HIVEP3: variants seen among roughly 807,000 people sequenced by gnomAD.
HIVEP3 encodes the protein HIVEP zinc finger 3, also known as transcription factor HIVEP3.
HIVEP3 carries 49 observed loss-of-function variants against 152.8 expected under a neutral mutation model. That is an observed-to-expected ratio of 0.32 (90% CI 0.26 to 0.41). The LOEUF is 0.41. HIVEP3 is among the 10% of genes least tolerant of loss of function. The probability of loss-of-function intolerance (pLI) is 1.00; values close to 1 mark genes in which losing one functional copy is unlikely to be tolerated. For synonymous variants in HIVEP3, 1,269 were observed against 1,289.0 expected (o/e 0.98, Z 0.33); for missense variants, 2,790 against 3,103.3 (o/e 0.90, Z 2.40).
In HIVEP3 at chr1:41,873,707, A is replaced by G. The variant is rs1353384028; in HGVS notation, c.-801+44706T>C. 2.0e-5 allele frequency among the ~76,000 whole-genome samples: 3 copies of G among 152,190 alleles called. No homozygotes were observed. In the South Asian group the frequency reaches 6.2e-4, roughly 32 times the overall value. ...TCTTCCAGAATACCTCACTACCTTC[A>G]GAAAGGAAGAAGGAGGGAAAAAAGG... On this transcript the variant is annotated intron_variant, in intron 1 of 8. Transcript: ENST00000372583. The surrounding 1 kb of genome is among the most constrained non-coding windows in gnomAD (Gnocchi z 4.2).
intron 3 of HIVEP3, among the ~76,000 whole-genome samples, chr1:41,618,402 G>T (rs974397260): frequency 7.2e-5 from 11 of 152,346 alleles, no homozygotes; most frequent in Middle Eastern, 3.4e-3. Context: ...TGCAAAATGT[G>T]CTCGGGCCCT....
At chr1:41,558,973 C>T (rs1180044860) in intron 5 of HIVEP3, among the ~76,000 whole-genome samples, 3 of 152,110 alleles carry the variant, frequency 2.0e-5, no homozygotes, top group Non-Finnish European at 4.4e-5. Flanking sequence ...CACTCCAAGA[C>T]TGCTCTGTCT....
chr1:41,530,357 G>T (rs55836963), intron 5 of HIVEP3, among the ~76,000 whole-genome samples: 1 of 152,166 alleles, frequency 6.6e-6, no homozygotes, highest in Non-Finnish European at 1.5e-5. Flanking sequence ...CATCTGCCTC[G>T]ATGTGACAGC....
intron 5 of HIVEP3, among the ~76,000 whole-genome samples, chr1:41,525,140 C>T (rs1642863857): frequency 6.6e-6 from 1 of 152,174 alleles, no homozygotes; most frequent in African/African-American, 2.4e-5. Context: ...TATTCTTCCT[C>T]CTCCAGAGCA....
At chr1:41,621,448 C>G (rs1292797222) in intron 3 of HIVEP3, among the ~76,000 whole-genome samples, 1 of 152,244 alleles carries the variant, frequency 6.6e-6, no homozygotes, top group African/African-American at 2.4e-5. Context: ...GGCCTGCAGC[C>G]GTGGCCAGAC....
At chr1:41,655,582 CAAAAAAAAAAAAA>C (rs55918119) in intron 2 of HIVEP3, among the ~76,000 whole-genome samples, 2 of 57,434 alleles carry the variant, frequency 3.5e-5, no homozygotes, top group African/African-American at 1.4e-4. Flanking sequence ...CACTCCATCT[CAAAAAAAAAAAAA>C]AAAAAAAAAA....
At chr1:41,986,288 T>G (rs1262251108) in intron 1 of HIVEP3, among the ~76,000 whole-genome samples, 1 of 152,216 alleles carries the variant, frequency 6.6e-6, no homozygotes, top group Non-Finnish European at 1.5e-5. Flanking sequence ...AGGTTTTTCT[T>G]GCACAAGATG....
chr1:41,755,655 G>A (rs893294051), intron 1 of HIVEP3, among the ~76,000 whole-genome samples: 2 of 150,758 alleles, frequency 1.3e-5, no homozygotes, highest in African/African-American at 4.9e-5. Context: ...ATTAGAAAAT[G>A]GGCTAAAGAC....
intron 1 of HIVEP3, among the ~76,000 whole-genome samples, chr1:42,015,920 C>A (rs908793248): frequency 3.3e-5 from 5 of 152,214 alleles, no homozygotes; most frequent in Admixed American, 3.3e-4. Context: ...ATGCTTTGTG[C>A]CTTTTGAACC....
intron 5 of HIVEP3, among the ~76,000 whole-genome samples, chr1:41,555,454 GGTGAGGC>G (rs1360565051): frequency 6.6e-6 from 1 of 152,134 alleles, no homozygotes; most frequent in Non-Finnish European, 1.5e-5. Context: ...GCACTTCCCG[GGTGAGGC>G]GATGCCCTGC....
At chr1:41,901,296 T>A (rs764092167) in intron 1 of HIVEP3, among the ~76,000 whole-genome samples, 2 of 152,018 alleles carry the variant, frequency 1.3e-5, no homozygotes, top group Non-Finnish European at 2.9e-5. Flanking sequence ...GAGTTATGCG[T>A]GTGTTGAGTC....
In HIVEP3 at chr1:41,598,147, G is replaced by A. The variant is rs143210354; in HGVS notation, c.-521-12829C>T. Reference sequence around the variant, plus strand: ...GAACAAAGCCTGAAATGAGAGTTGCGCAGGCCCAGCAGGCTTGTCTTCTGG... The same window carrying A: ...GAACAAAGCCTGAAATGAGAGTTGCACAGGCCCAGCAGGCTTGTCTTCTGG... On this transcript the variant is annotated intron_variant, in intron 3 of 8. Transcript: ENST00000372583. 1.4e-3 allele frequency among the ~76,000 whole-genome samples: 207 copies of A among 152,270 alleles called. 1 individual carries two copies. Among genetic ancestry groups the A allele is most frequent in the African/African-American group, 4.8e-3 (201 of 41,552 alleles).
intron 2 of HIVEP3, among the ~76,000 whole-genome samples, chr1:41,644,641 A>G (rs1339441058): frequency 6.6e-6 from 1 of 150,878 alleles, no homozygotes; most frequent in African/African-American, 2.4e-5. Context: ...ATTTGGTGGC[A>G]ATCTTCATGC....
At chr1:41,917,863 C>T (rs903757198) in intron 1 of HIVEP3, among the ~76,000 whole-genome samples, 4 of 152,162 alleles carry the variant, frequency 2.6e-5, no homozygotes, top group Non-Finnish European at 5.9e-5. Flanking sequence ...AGAAAGCTAT[C>T]CCCTCTGTCT....
intron 1 of HIVEP3, among the ~76,000 whole-genome samples, chr1:41,824,780 T>TAGAG (rs1642732674): frequency 1.0e-3 from 14 of 13,590 alleles, no homozygotes; most frequent in Middle Eastern, 0.042. Flanking sequence ...TATATATATA[T>TAGAG]ATATAGAGAG....
intron 1 of HIVEP3, among the ~76,000 whole-genome samples, chr1:41,761,115 T>C (rs1046457955): frequency 6.6e-6 from 1 of 152,208 alleles, no homozygotes; most frequent in Non-Finnish European, 1.5e-5. Flanking sequence ...GGAAGGAACA[T>C]TGCTGGTGAA....
chr1:41,675,613 A>G (rs1253290140), intron 2 of HIVEP3, among the ~76,000 whole-genome samples: 1 of 152,176 alleles, frequency 6.6e-6, no homozygotes, highest in Non-Finnish European at 1.5e-5. Flanking sequence ...TGTGACCCAC[A>G]TGGATTGTTT....
intron 1 of HIVEP3, among the ~76,000 whole-genome samples, chr1:41,757,168 C>A (rs954573712): frequency 6.7e-6 from 1 of 150,152 alleles, no homozygotes; most frequent in African/African-American, 2.4e-5. Flanking sequence ...CAGGCTGGAG[C>A]GCAGTGGCGT....
chr1:41,934,500 G>A (rs1054312040), intron 1 of HIVEP3, among the ~76,000 whole-genome samples: 7 of 152,050 alleles, frequency 4.6e-5, no homozygotes, highest in Admixed American at 6.6e-5. Context: ...CATAAGTTTA[G>A]GAACAATCCT....
Sources: gnomAD v4.1 joint callset for allele counts (sites outside exome capture counted in the v4.1 genomes callset) on GRCh38, gnomAD v4.1.1 for gene constraint, Gnocchi (gnomAD v3.1) non-coding constraint, MANE v1.5 for transcripts, NCBI Gene and HGNC (gene_info 2026-07-23, HGNC 2026-07-21) for gene names.